Variants in PPP1CC observed in about 807,000 individuals in gnomAD.
PPP1CC encodes serine/threonine-protein phosphatase PP1-gamma catalytic subunit.
In PPP1CC, 16 loss-of-function variants were observed where a neutral mutation model predicts 38.4. The observed-to-expected ratio is 0.42, with a 90% CI of 0.28 to 0.63. The LOEUF is 0.63. PPP1CC is among the 30% of genes least tolerant of loss of function. The pLI is 0.25. For missense variants in PPP1CC, 170 were observed against 391.3 expected (o/e 0.43, Z 4.77); for synonymous variants, 158 against 136.0 (o/e 1.16, Z -1.13).
chr12:110,711,693 G>C, the PPP1CC span, among the ~76,000 whole-genome samples: 65 of 152,234 alleles, frequency 4.3e-4, no homozygotes, highest in African/African-American at 1.5e-3. Flanking sequence ...GGGAGGCCGA[G>C]GCAGGAGGAT....
chr12:110,713,154 A>G, the PPP1CC span, among the ~76,000 whole-genome samples: 21 of 150,020 alleles, frequency 1.4e-4, 1 homozygote, highest in African/African-American at 5.2e-4. Flanking sequence ...TTTTTTGGAG[A>G]TGTAGTGTCA....
the PPP1CC span, among the ~76,000 whole-genome samples, chr12:110,711,529 A>G: frequency 6.6e-6 from 1 of 152,170 alleles, no homozygotes; most frequent in Non-Finnish European, 1.5e-5. Context: ...CTGGGGAGGT[A>G]CGCACACGGG....
intron 4 of PPP1CC, among the ~76,000 whole-genome samples, chr12:110,723,144 T>C (rs540629597): frequency 3.9e-5 from 6 of 152,328 alleles, no homozygotes; most frequent in Admixed American, 1.3e-4. Flanking sequence ...CAAGAGCTTA[T>C]TGTATCGAGT....
At chr12:110,731,956 C>G (rs774745785) in intron 1 of PPP1CC, 55 bp from the exon 2 acceptor site, 1 of 1,580,030 alleles carries the variant, frequency 6.3e-7, no homozygotes. Context: ...AAATACAATA[C>G]GAGATTTAGA....
downstream of PPP1CC, among the ~76,000 whole-genome samples, chr12:110,715,917 G>A (rs768205902): frequency 2.0e-5 from 3 of 150,772 alleles, no homozygotes; most frequent in East Asian, 1.9e-4. Flanking sequence ...CACCGTGCCC[G>A]GCCAGTATGC....
chr12:110,742,631 A>AGCCGCCC, intron 1 of PPP1CC, 22 bp downstream of exon 1: 2 of 1,320,998 alleles, frequency 1.5e-6, no homozygotes, highest in South Asian at 4.1e-5. Context: ...CTCCCCCTTC[A>AGCCGCCC]GCCGCCCGCC....
intron 3 of PPP1CC, among the ~76,000 whole-genome samples, chr12:110,727,050 G>A (rs1183954090): frequency 6.6e-6 from 1 of 152,112 alleles, no homozygotes; most frequent in African/African-American, 2.4e-5. Context: ...TGATTTTCCT[G>A]CCTCAATCTC....
In PPP1CC at chr12:110,722,381, A is replaced by C; in HGVS notation, c.747+91T>G. On this transcript the variant is annotated intron_variant, in intron 5 of 6. Transcript: ENST00000335007. The surrounding 1 kb of genome is among the most constrained non-coding windows in gnomAD (Gnocchi z 5.4). ...TTGTGTTCCAGAAACACTTTGTATA[A>C]ATAAGCAATACCTACCCACCAAAAT... The C allele has an allele frequency of 6.4e-7, 1 of 1,556,594 alleles. No individual in the cohort carries two copies. The highest frequency in any genetic ancestry group is 8.8e-7 in the Non-Finnish European group (1 of 1,132,076).
At chr12:110,739,494 GA>G (rs1423865170) in intron 1 of PPP1CC, among the ~76,000 whole-genome samples, 2 of 151,864 alleles carry the variant, frequency 1.3e-5, no homozygotes, top group Admixed American at 1.3e-4. Context: ...TCAAAAAGAT[GA>G]ACATATGGGT....
chr12:110,731,732 T>C, intron 2 of PPP1CC, 38 bp downstream of exon 2: 1 of 1,584,014 alleles, frequency 6.3e-7, no homozygotes, highest in Non-Finnish European at 8.6e-7. Flanking sequence ...AGTTAATCAA[T>C]CATGTAACAA....
intron 1 of PPP1CC, 150 bp downstream of exon 1, chr12:110,742,503 C>A: frequency 1.7e-6 from 1 of 587,550 alleles, no homozygotes. Context: ...CCTCCGGCTG[C>A]AGTCCCCGGC....
intron 3 of PPP1CC, among the ~76,000 whole-genome samples, chr12:110,727,403 C>T (rs147012362): frequency 5.4e-4 from 82 of 152,264 alleles, no homozygotes; most frequent in African/African-American, 1.8e-3. Context: ...CTCCCTAAGG[C>T]TACCTCAGAC....
intron 6 of PPP1CC, 29 bp from the exon 7 acceptor site, chr12:110,721,194 G>A: frequency 7.0e-6 from 11 of 1,578,266 alleles, no homozygotes; most frequent in Non-Finnish European, 9.6e-6. Context: ...GTTAATTTAG[G>A]AAATATACTC....
At position 110,721,026 on chromosome 12, in the gene PPP1CC, G is replaced by A. The variant is rs772823026; in HGVS notation, c.*50C>T. On this transcript the variant is annotated 3_prime_UTR_variant, in exon 7 of 7. Transcript: ENST00000335007. ...ACACATTACAGTCTTAAAAATGAAG[G>A]TTATATACTCTATGTTACAAGTCCC... 6.6e-7 allele frequency: 1 copy of A among 1,520,752 alleles called. No individual in the cohort carries two copies. Among genetic ancestry groups the A allele is most frequent in the East Asian group, 2.3e-5 (1 of 44,368 alleles). 94.2% of individuals were successfully genotyped at this position (1,520,752 alleles called of 1,614,324 possible).
chr12:110,709,083 A>C, the PPP1CC span, among the ~76,000 whole-genome samples: 3 of 152,174 alleles, frequency 2.0e-5, no homozygotes, highest in South Asian at 6.2e-4. Context: ...GAGGAACAAT[A>C]GAAACAACAG....
At position 110,742,654 on chromosome 12, in the gene PPP1CC, T is replaced by C; in HGVS notation, c.54A>G (p.Glu18=). Residue 18 remains glutamate, a splice_region_variant and synonymous_variant, in exon 1 of 7, where the codon GAA becomes GAG. Coordinates refer to ENST00000335007, the MANE Select transcript of PPP1CC (RefSeq NM_002710.4). Reference sequence around the variant, plus strand: ...TCAGCCGCCCGCCGCCCCCCTTACCTTCCAGCAGCCGTTGGATAATGCTGT... The same window carrying C: ...TCAGCCGCCCGCCGCCCCCCTTACCCTCCAGCAGCCGTTGGATAATGCTGT... ...NIDSIIQRLL[E]VRGSKPGKNV... 7.5e-7 allele frequency: 1 copy of C among 1,329,844 alleles called. No homozygotes were observed. The allele number at this position is 1,329,844 out of a possible 1,614,324, so 82.4% of individuals were successfully genotyped here. A position where few individuals can be genotyped will look rare whatever the true frequency, so the allele number is the denominator to read the frequency against.
At chr12:110,737,477 C>CAA (rs71083137) in intron 1 of PPP1CC, among the ~76,000 whole-genome samples, 1,393 of 41,258 alleles carry the variant, frequency 0.034, 25 homozygotes, top group African/African-American at 0.071. Context: ...AAGAAAGACT[C>CAA]AAAAAAAAAA....
chr12:110,729,256 G>A (rs1170157285), intron 3 of PPP1CC, among the ~76,000 whole-genome samples: 2 of 145,764 alleles, frequency 1.4e-5, no homozygotes, highest in Admixed American at 7.0e-5. Context: ...CTACTGTGGT[G>A]TGATTTTGGC....
chr12:110,739,834 A>G (rs1363271449), intron 1 of PPP1CC, among the ~76,000 whole-genome samples: 5 of 152,264 alleles, frequency 3.3e-5, no homozygotes, highest in Admixed American at 2.6e-4. Context: ...ACTTGTCTTC[A>G]ATACATCAGA....
Sources: allele counts gnomAD v4.1 joint callset (sites outside exome capture counted in the v4.1 genomes callset), GRCh38; gene constraint gnomAD v4.1.1; non-coding constraint Gnocchi (gnomAD v3.1); transcripts MANE v1.5; gene names NCBI Gene and HGNC (gene_info 2026-07-23, HGNC 2026-07-21).